SRRD: variants seen among roughly 807,000 people sequenced by gnomAD.
The protein encoded by SRRD is SRR1 domain containing.
In SRRD, 28 loss-of-function variants were observed where a neutral mutation model predicts 30.7. The observed-to-expected ratio is 0.91, with a 90% CI of 0.68 to 1.25. The LOEUF is 1.25. Among genes scored for constraint, SRRD ranks in the 50% most tolerant of loss-of-function variants. The pLI is 0.00. For missense variants in SRRD, 415 were observed against 417.3 expected (o/e 0.99, Z 0.05); for synonymous variants, 161 against 159.6 (o/e 1.01, Z -0.07).
intron 1 of SRRD, 117 bp from the exon 2 acceptor site, chr22:26,485,906 G>T: frequency 7.1e-6 from 8 of 1,132,862 alleles, no homozygotes; most frequent in Non-Finnish European, 1.1e-5. Context: ...GGTAAGGGTG[G>T]GCCCTGCATT....
At chr22:26,484,649 G>A (rs901396239) in intron 1 of SRRD, among the ~76,000 whole-genome samples, 1 of 152,154 alleles carries the variant, frequency 6.6e-6, no homozygotes, top group Non-Finnish European at 1.5e-5. Context: ...AAGAGACAAA[G>A]AAAATGTGTG....
At position 26,493,157 on chromosome 22, in the gene SRRD, A is replaced by G. The variant is rs1461041124; in HGVS notation, c.*1485A>G. 1 of 151,952 alleles carries G rather than the reference A, an allele frequency of 6.6e-6. No individual in the cohort carries two copies. Among genetic ancestry groups the G allele is most frequent in the African/African-American group, 2.4e-5 (1 of 41,346 alleles). The allele number at this position is 151,952 out of a possible 1,614,324, so 9.4% of individuals were successfully genotyped here. On this transcript the variant is annotated 3_prime_UTR_variant, in exon 7 of 7. Transcript: ENST00000215917. ...ATTCTTCTGCCTCAGCCTCCTAAGT[A>G]GCTGGCATTACAGGCATGTGCCACC...
At chr22:26,490,937 ATG>A in intron 5 of SRRD, 86 bp from the exon 6 acceptor site, 1 of 1,205,004 alleles carries the variant, frequency 8.3e-7, no homozygotes, top group East Asian at 2.3e-5. Flanking sequence ...TTGCCCTTCT[ATG>A]TGTCTTAAAA....
chr22:26,488,172 T>C lies in SRRD; in HGVS notation c.394T>C (p.Leu132=). ...VATDSIPREI[L]VTGTCHLKCV... is the part of the protein sequence containing the mutation. ...CACTGATTCTATCCCAAGAGAGATCTTGGTCACAGGAACCTGCCATTTGAA... is the reference window on the plus strand; with the variant it reads ...CACTGATTCTATCCCAAGAGAGATCCTGGTCACAGGAACCTGCCATTTGAA... The change falls in exon 3 of 7, where the codon TTG becomes CTG. Residue 132 remains leucine, a synonymous_variant. Coordinates refer to ENST00000215917, the MANE Select transcript of SRRD (RefSeq NM_001013694.3). 2.5e-6 allele frequency: 4 copies of C among 1,614,208 alleles called. No homozygotes were observed. The South Asian group carries it at 3.3e-5, about 13-fold the overall frequency.
chr22:26,492,782 C>A lies in SRRD; in HGVS notation c.*1110C>A. On this transcript the variant is annotated 3_prime_UTR_variant, in exon 7 of 7. Transcript: ENST00000215917. ...CATACTGGCTTTATTTTTAACCTAC[C>A]CACACAGGGCCCCCATCCTGAAAGA... The A allele has an allele frequency of 5.3e-6, 1 of 187,808 alleles. No homozygotes were observed. The highest frequency in any genetic ancestry group is 1.1e-4 in the South Asian group (1 of 9,210). The allele number at this position is 187,808 out of a possible 1,614,324, so 11.6% of individuals were successfully genotyped here. A position where few individuals can be genotyped will look rare whatever the true frequency, so the allele number is the denominator to read the frequency against.
At chr22:26,488,994 G>A (rs2091728899) in intron 4 of SRRD, among the ~76,000 whole-genome samples, 1 of 152,214 alleles carries the variant, frequency 6.6e-6, no homozygotes, top group African/African-American at 2.4e-5. Flanking sequence ...TCTGAGACCT[G>A]TGGAATAAAG....
chr22:26,491,085 A>G lies in SRRD; in HGVS notation c.810+15A>G, dbSNP rs117632473. 3.7e-3 allele frequency: 5,927 copies of G among 1,610,110 alleles called. 228 individuals are homozygous for G. The East Asian group carries it at 0.097, about 26-fold the overall frequency. On this transcript the variant is annotated intron_variant, in intron 6 of 6. Coordinates refer to ENST00000215917, the MANE Select transcript of SRRD (RefSeq NM_001013694.3). ...ACATTGCAAAGGTATCTATCTGAAT[A>G]AAGGGGCTGGGATGGAAAAGGGTGT... is the stretch of plus-strand genomic sequence containing the variant.
intron 5 of SRRD, 154 bp from the exon 6 acceptor site, chr22:26,490,871 C>A (rs1921078533): frequency 4.5e-6 from 3 of 659,466 alleles, no homozygotes; most frequent in Non-Finnish European, 7.7e-6. Context: ...AACTATTTAA[C>A]TGGTTTACTC....
At position 26,492,322 on chromosome 22, in the gene SRRD, G is replaced by A; in HGVS notation, c.*650G>A. 1 of 1,614,200 alleles carries A rather than the reference G, an allele frequency of 6.2e-7. No homozygotes were observed. The highest frequency in any genetic ancestry group is 2.2e-5 in the East Asian group (1 of 44,880). ...GGAAGTCCTTCCTCCGCTCCGTGTGGGTGAGATAGGCAATGTTCTCCCGTG... is the reference window on the plus strand; with the variant it reads ...GGAAGTCCTTCCTCCGCTCCGTGTGAGTGAGATAGGCAATGTTCTCCCGTG... On this transcript the variant is annotated 3_prime_UTR_variant, in exon 7 of 7. Coordinates refer to ENST00000215917, the MANE Select transcript of SRRD (RefSeq NM_001013694.3).
rs768492136 is a variant in SRRD at position 26,491,577 on chromosome 22, G to A, written c.925G>A (p.Asp309Asn). Residue 309 changes from aspartate to asparagine, a missense_variant, in exon 7 of 7, where the codon GAT becomes AAT. Physicochemically the swap from Asp to Asn is conservative, Grantham distance 23. Coordinates refer to ENST00000215917, the MANE Select transcript of SRRD (RefSeq NM_001013694.3). ...GCAAAAGCTAGAACAGCTCTCCATA[G>A]ATATTTGGGAGTTTCGGGAAGAACC... Reference protein sequence around the residue: ...PVQKLEQLSIDIWEFREEPDY... With the variant: ...PVQKLEQLSINIWEFREEPDY... 8.1e-6 allele frequency: 13 copies of A among 1,614,076 alleles called. No individual in the cohort carries two copies. In the Admixed American group the frequency reaches 1.3e-4, roughly 17 times the overall value.
At chr22:26,491,377 A>G (rs76272540) in intron 6 of SRRD, 86 bp from the exon 7 acceptor site, 11,771 of 1,075,392 alleles carry the variant, frequency 0.011, 94 homozygotes, top group Middle Eastern at 0.015. Flanking sequence ...TAAAGTGGGG[A>G]TGACAAGTAA....
chr22:26,484,112 T>A lies in SRRD; in HGVS notation c.209+13T>A. 1 of 1,524,596 alleles carries A rather than the reference T, an allele frequency of 6.6e-7. No homozygotes were observed. The highest frequency in any genetic ancestry group is 8.8e-7 in the Non-Finnish European group (1 of 1,141,338). 94.4% of individuals were successfully genotyped at this position (1,524,596 alleles called of 1,614,324 possible). ...TCTGGGAGGCTGAGTGAGTGCAGGC[T>A]CGGCCCTGATGGAATCTTTGCGCCC... On this transcript the variant is annotated intron_variant, in intron 1 of 6. Transcript: ENST00000215917.
intron 4 of SRRD, among the ~76,000 whole-genome samples, 181 bp from the exon 5 acceptor site, chr22:26,489,863 C>T (rs1257344751): frequency 1.3e-5 from 2 of 152,140 alleles, no homozygotes; most frequent in Non-Finnish European, 2.9e-5. Flanking sequence ...TCATGATTTC[C>T]TGACTCTTTA....
At chr22:26,490,976 C>T (rs772587270) in intron 5 of SRRD, 49 bp from the exon 6 acceptor site, 1 of 1,520,552 alleles carries the variant, frequency 6.6e-7, no homozygotes, top group Non-Finnish European at 9.0e-7. Context: ...CTCATACCTC[C>T]TAATCATGGT....
chr22:26,483,906 G>A lies in SRRD; in HGVS notation c.16G>A (p.Ala6Thr). 4 of 1,348,352 alleles carry A rather than the reference G, an allele frequency of 3.0e-6. No homozygotes were observed. Among genetic ancestry groups the A allele is most frequent in the Non-Finnish European group, 3.8e-6 (4 of 1,060,160 alleles). The allele number at this position is 1,348,352 out of a possible 1,614,324, so 83.5% of individuals were successfully genotyped here. A position where few individuals can be genotyped will look rare whatever the true frequency, so the allele number is the denominator to read the frequency against. ...TCAGAGACCAATGGCTGCGGCCGCA[G>A]CTGCGGCGCTGGAATCCTGGCAGGC... MAAAAAAALESWQAAA... is the reference protein window; with the variant it reads MAAAATAALESWQAAA... The change falls in exon 1 of 7, where the codon GCT (alanine) becomes ACT (threonine). Residue 6 changes from alanine to threonine, a missense_variant. By Grantham distance (58) the Ala-to-Thr change is moderately conservative. Coordinates refer to ENST00000215917, the MANE Select transcript of SRRD (RefSeq NM_001013694.3).
At chr22:26,487,893 C>G in intron 2 of SRRD, 136 bp from the exon 3 acceptor site, 1 of 943,976 alleles carries the variant, frequency 1.1e-6, no homozygotes, top group Non-Finnish European at 1.5e-6. Flanking sequence ...GGCAGCTTCT[C>G]TCTCTCTCTG....
chr22:26,486,914 CTT>C (rs57889671), intron 2 of SRRD, among the ~76,000 whole-genome samples: 2 of 128,858 alleles, frequency 1.6e-5, no homozygotes, highest in Admixed American at 7.9e-5. Context: ...GTCTTTGCTG[CTT>C]TTTTTTTTTT....
chr22:26,487,087 A>AATTTTTGT (rs1223263887), intron 2 of SRRD, among the ~76,000 whole-genome samples: 2 of 151,678 alleles, frequency 1.3e-5, no homozygotes, highest in Non-Finnish European at 2.9e-5. Flanking sequence ...ACCCCTGGCT[A>AATTTTTGT]ATTTTTGTAT....
chr22:26,491,348 T>G lies in SRRD; in HGVS notation c.811-115T>G. The G allele has an allele frequency of 6.8e-6, 6 of 888,618 alleles. 1 individual carries two copies. The highest frequency in any genetic ancestry group is 1.1e-5 in the Non-Finnish European group (6 of 570,776). 55.0% of individuals were successfully genotyped at this position (888,618 alleles called of 1,614,324 possible). On this transcript the variant is annotated intron_variant, in intron 6 of 6. Coordinates refer to ENST00000215917, the MANE Select transcript of SRRD (RefSeq NM_001013694.3). Reference sequence around the variant, plus strand: ...AAGCATTTAAATCAAAATACCCTATTTGTTATTTTTTTAAAAAGTAAAGTG... The same window carrying G: ...AAGCATTTAAATCAAAATACCCTATGTGTTATTTTTTTAAAAAGTAAAGTG...
Sources: allele counts gnomAD v4.1 joint callset (sites outside exome capture counted in the v4.1 genomes callset), GRCh38; gene constraint gnomAD v4.1.1; transcripts MANE v1.5; gene names NCBI Gene and HGNC (gene_info 2026-07-23, HGNC 2026-07-21).